The following COL3A1 variants were observed in gnomAD, a reference collection of about 807,000 sequenced individuals.
COL3A1 encodes the protein collagen alpha-1(III) chain.
A neutral mutation model predicts 200.9 loss-of-function variants in COL3A1; 46 were observed. The ratio of observed to expected loss-of-function variants is 0.23; its 90% confidence interval spans 0.18 to 0.29. COL3A1 has a LOEUF of 0.29. Among genes scored for constraint, COL3A1 ranks in the 10% least tolerant of loss-of-function variants. COL3A1 has a pLI of 1.00. For missense variants in COL3A1, 1,367 were observed against 1,917.6 expected, an observed-to-expected ratio of 0.71 and a Z score of 5.36; for synonymous variants, 650 against 628.0, an observed-to-expected ratio of 1.03 and a Z score of -0.52.
At chr2:188,991,091 A>T in intron 11 of COL3A1, 34 bp downstream of exon 11, 1 of 1,583,774 alleles carries the variant, frequency 6.3e-7, no homozygotes, top group Non-Finnish European at 8.7e-7. Context: ...TTTCATAAGT[A>T]AATTCATTAA....
intron 27 of COL3A1, among the ~76,000 whole-genome samples, chr2:188,997,968 C>T (rs1688367306): frequency 1.3e-5 from 2 of 152,162 alleles, no homozygotes; most frequent in Non-Finnish European, 2.9e-5. Context: ...TCAAATAATT[C>T]TATTTGGTTA....
At position 188,990,065 on chromosome 2, in the gene COL3A1, G is replaced by A. The variant is rs41272819; in HGVS notation, c.691-31G>A. ...CTACAATGTATTTTCTCATACATGA[G>A]CACCTACGTATTCTTTATTTCTCTA... On this transcript the variant is annotated intron_variant, in intron 8 of 50. Coordinates refer to ENST00000304636, the MANE Select transcript of COL3A1 (RefSeq NM_000090.4). 26 of 1,602,036 alleles carry A rather than the reference G, an allele frequency of 1.6e-5. No individual in the cohort carries two copies. The East Asian group carries it at 4.0e-4, about 25-fold the overall frequency.
chr2:189,008,755 A>G, intron 47 of COL3A1, 169 bp from the exon 48 acceptor site: 1 of 671,376 alleles, frequency 1.5e-6, no homozygotes, highest in Non-Finnish European at 2.6e-6. Flanking sequence ...TAGTTATTAT[A>G]AATCGGTGAT....
chr2:188,998,486 A>G (rs924175046), intron 28 of COL3A1, among the ~76,000 whole-genome samples, 167 bp downstream of exon 28: 7 of 152,238 alleles, frequency 4.6e-5, no homozygotes, highest in Admixed American at 2.0e-4. Context: ...TAACTATTAT[A>G]TAGAGTTTGA....
At chr2:189,000,593 A>G (rs886210167) in intron 32 of COL3A1, among the ~76,000 whole-genome samples, 7 of 152,180 alleles carry the variant, frequency 4.6e-5, no homozygotes, top group Non-Finnish European at 8.8e-5. Context: ...AAAATTCTAT[A>G]GAGCTACATA....
At chr2:188,988,455 T>A in intron 6 of COL3A1, 135 bp from the exon 7 acceptor site, 1 of 687,290 alleles carries the variant, frequency 1.5e-6, no homozygotes, top group South Asian at 1.8e-5. Context: ...CTAAAAATAA[T>A]TTGGTCTCAA....
intron 35 of COL3A1, among the ~76,000 whole-genome samples, chr2:189,002,597 C>A (rs1463410404): frequency 6.6e-6 from 1 of 152,124 alleles, no homozygotes; most frequent in Non-Finnish European, 1.5e-5. Flanking sequence ...GATTTAAAAG[C>A]ACTCTGAATT....
At chr2:188,999,939 A>G in intron 32 of COL3A1, 44 bp downstream of exon 32, 1 of 1,550,954 alleles carries the variant, frequency 6.4e-7, no homozygotes, top group Non-Finnish European at 8.8e-7. Flanking sequence ...TCTATATGTC[A>G]TATGGGACAG....
At chr2:189,010,918 C>G (rs775695619) in intron 50 of COL3A1, 28 bp downstream of exon 50, 2 of 1,613,440 alleles carry the variant, frequency 1.2e-6, no homozygotes, top group Non-Finnish European at 1.7e-6. Context: ...CAATATAGGT[C>G]ATAAAGCAGT....
At chr2:188,976,598 G>A (rs1225307202) in intron 1 of COL3A1, among the ~76,000 whole-genome samples, 2 of 152,102 alleles carry the variant, frequency 1.3e-5, no homozygotes, top group African/African-American at 2.4e-5. Context: ...ACTGAGAGCT[G>A]TCATAAAGTT....
intron 35 of COL3A1, 51 bp from the exon 36 acceptor site, chr2:189,002,904 T>C: frequency 7.9e-7 from 1 of 1,272,390 alleles, no homozygotes; most frequent in Non-Finnish European, 1.1e-6. Context: ...AATAAGCCAA[T>C]TGTATCATAA....
intron 44 of COL3A1, among the ~76,000 whole-genome samples, chr2:189,007,268 A>C (rs1285601595): frequency 6.6e-6 from 1 of 151,212 alleles, no homozygotes; most frequent in East Asian, 1.9e-4. Context: ...AGGATCTAAA[A>C]GTTCTTTGGA....
At chr2:188,985,394 A>G in intron 3 of COL3A1, 147 bp downstream of exon 3, 1 of 741,594 alleles carries the variant, frequency 1.3e-6, no homozygotes, top group Non-Finnish European at 2.3e-6. Context: ...CTGAGAATCC[A>G]TAATTGTACG....
intron 26 of COL3A1, 95 bp downstream of exon 26, chr2:188,997,484 T>C (rs1473767658): frequency 4.5e-6 from 6 of 1,320,182 alleles, no homozygotes; most frequent in South Asian, 2.4e-5. Context: ...CACCATGTTG[T>C]TACAGTTTAC....
At chr2:188,987,288 C>T (rs1688082873) in intron 5 of COL3A1, 149 bp downstream of exon 5, 3 of 696,948 alleles carry the variant, frequency 4.3e-6, no homozygotes, top group Non-Finnish European at 5.2e-6. Context: ...AAAATGGTAG[C>T]ATTATCATGT....
chr2:188,992,417 A>G (rs1308925649), intron 14 of COL3A1, among the ~76,000 whole-genome samples, 189 bp downstream of exon 14: 1 of 152,118 alleles, frequency 6.6e-6, no homozygotes, highest in Non-Finnish European at 1.5e-5. Context: ...TGTAGCCCCA[A>G]TACTTAATAT....
chr2:189,001,551 C>G lies in COL3A1; in HGVS notation c.2353C>G (p.Pro785Ala). The G allele has an allele frequency of 6.2e-7, 1 of 1,613,958 alleles. No individual in the cohort carries two copies. The highest frequency in any genetic ancestry group is 1.1e-5 in the South Asian group (1 of 91,074). Residue 785 changes from proline to alanine, a missense_variant, in exon 34 of 51, where the codon CCC (proline) becomes GCC (alanine). This residue lies in a region of COL3A1 where 846 missense variants were observed against 1,147.9 expected (regional missense o/e 0.74). Transcript: ENST00000304636. ...QPGDKGEGGA[P>A]GLPGIAGPRG... ...CTTTTTCCAGGGTGAAGGTGGTGCC[C>G]CCGGACTTCCAGGTATAGCTGGACC...
At chr2:188,997,419 A>T in intron 26 of COL3A1, 30 bp downstream of exon 26, 1 of 1,602,490 alleles carries the variant, frequency 6.2e-7, no homozygotes. Flanking sequence ...ATTGGAGATG[A>T]AAATAGGGTG....
At chr2:188,990,886 A>T (rs1688173379) in intron 10 of COL3A1, 118 bp from the exon 11 acceptor site, 1 of 971,856 alleles carries the variant, frequency 1.0e-6, no homozygotes, top group African/African-American at 1.6e-5. Context: ...AAATTATTTA[A>T]GCTAATTTTG....
Sources: gnomAD v4.1 joint callset for allele counts (sites outside exome capture counted in the v4.1 genomes callset) on GRCh38, gnomAD v4.1.1 for gene constraint, gnomAD v4.1.1 regional missense constraint, MANE v1.5 for transcripts, NCBI Gene and HGNC (gene_info 2026-07-23, HGNC 2026-07-21) for gene names.